The following MAD1L1 variants were observed in gnomAD, a reference collection of about 807,000 sequenced individuals.
MAD1L1 encodes the protein mitotic spindle assembly checkpoint protein MAD1.
Under a neutral mutation model 96.9 loss-of-function variants are expected in MAD1L1, and 95 were observed. That is an observed-to-expected ratio of 0.98 (90% CI 0.83 to 1.16). MAD1L1 has a LOEUF of 1.16. Ranked by LOEUF, MAD1L1 falls within the 50% of genes most tolerant of loss-of-function variation. MAD1L1 has a pLI of 0.00. For synonymous variants in MAD1L1, 473 were observed against 396.6 expected (o/e 1.19, Z -2.29); for missense variants, 1,007 against 954.4 (o/e 1.06, Z -0.73).
intron 18 of MAD1L1, among the ~76,000 whole-genome samples, chr7:1,888,541 C>T (rs374286281): frequency 1.3e-4 from 18 of 141,810 alleles, no homozygotes; most frequent in South Asian, 8.5e-4. Context: ...GTTGCCTGTG[C>T]GTGTGTGTGA....
chr7:1,988,841 T>C (rs1781277526), intron 14 of MAD1L1, among the ~76,000 whole-genome samples: 1 of 152,182 alleles, frequency 6.6e-6, no homozygotes, highest in African/African-American at 2.4e-5. Context: ...GGCCAAACCC[T>C]GTGCCCGCAC....
At chr7:2,081,459 C>G (rs1785642133) in intron 11 of MAD1L1, among the ~76,000 whole-genome samples, 1 of 152,250 alleles carries the variant, frequency 6.6e-6, no homozygotes, top group African/African-American at 2.4e-5. Context: ...CAGGACACAT[C>G]TCAGCTGGAG....
At chr7:1,851,682 G>A (rs1783986551) in intron 18 of MAD1L1, among the ~76,000 whole-genome samples, 1 of 152,198 alleles carries the variant, frequency 6.6e-6, no homozygotes, top group South Asian at 2.1e-4. Context: ...GTCCACACAG[G>A]GGAAGGTGCT....
chr7:2,082,424 G>C lies in MAD1L1; in HGVS notation c.1074-13086C>G, dbSNP rs79010001. Among the ~76,000 whole-genome samples the C allele has an allele frequency of 4.6e-5, 7 of 152,312 alleles. No homozygotes were observed. The East Asian group carries it at 1.4e-3, about 29-fold the overall frequency. ...GGAGAGACAGAAGGAGAGACCAGAG[G>C]GAAGGAGCCGGGCCTGGGAGCTCAG... On this transcript the variant is annotated intron_variant, in intron 11 of 18. Transcript: ENST00000265854.
chr7:2,182,900 T>C lies in MAD1L1; in HGVS notation c.986+30312A>G, dbSNP rs187195736. ...GTATGAGTGTACAACCTTACAAATATACTAAAAACCACCAAATTAAACACT... is the reference window on the plus strand; with the variant it reads ...GTATGAGTGTACAACCTTACAAATACACTAAAAACCACCAAATTAAACACT... On this transcript the variant is annotated intron_variant, in intron 10 of 18. Transcript: ENST00000265854. Among the ~76,000 whole-genome samples, 272 of 152,222 alleles carry C rather than the reference T, an allele frequency of 1.8e-3. 1 individual carries two copies. The highest frequency in any genetic ancestry group is 3.4e-3 in the Non-Finnish European group (231 of 68,012).
At chr7:1,909,238 G>C (rs113941266) in intron 17 of MAD1L1, among the ~76,000 whole-genome samples, 16 of 152,338 alleles carry the variant, frequency 1.1e-4, no homozygotes, top group African/African-American at 3.6e-4. Context: ...AGCCAGTGGA[G>C]GCCCAGGGCT....
chr7:1,969,187 C>G (rs1400677975), intron 15 of MAD1L1, among the ~76,000 whole-genome samples: 2 of 152,122 alleles, frequency 1.3e-5, no homozygotes, highest in African/African-American at 4.8e-5. Flanking sequence ...AGTTTAAGAC[C>G]AGCCTGGCCA....
chr7:2,090,831 G>A (rs556519736), intron 11 of MAD1L1, among the ~76,000 whole-genome samples: 4 of 152,286 alleles, frequency 2.6e-5, no homozygotes, highest in East Asian at 1.9e-4. Flanking sequence ...GGCAGGCAAC[G>A]TTACCTTTTG....
intron 10 of MAD1L1, among the ~76,000 whole-genome samples, chr7:2,151,971 G>A (rs1483206841): frequency 6.6e-6 from 1 of 152,162 alleles, no homozygotes. Context: ...ATCACCCAAG[G>A]AGCAGGCTGG....
At chr7:2,125,468 G>A (rs764978856) in intron 11 of MAD1L1, among the ~76,000 whole-genome samples, 5 of 152,188 alleles carry the variant, frequency 3.3e-5, no homozygotes, top group African/African-American at 4.8e-5. Context: ...GAGCTCCACC[G>A]TACACTCAGG....
At chr7:2,076,977 T>C (rs112905822) in intron 11 of MAD1L1, among the ~76,000 whole-genome samples, 8 of 128,954 alleles carry the variant, frequency 6.2e-5, no homozygotes, top group Admixed American at 3.0e-4. Context: ...GCCCGCAGCA[T>C]GGTGAGCCCG....
At chr7:2,160,653 G>T (rs1333260601) in intron 10 of MAD1L1, among the ~76,000 whole-genome samples, 1 of 151,528 alleles carries the variant, frequency 6.6e-6, no homozygotes, top group African/African-American at 2.4e-5. Context: ...TCTTTTTTGA[G>T]ACAGAGGCTC....
At chr7:1,888,570 G>T (rs550823791) in intron 18 of MAD1L1, among the ~76,000 whole-genome samples, 5 of 151,738 alleles carry the variant, frequency 3.3e-5, no homozygotes, top group Admixed American at 1.3e-4. Flanking sequence ...GCATGTGGCT[G>T]TACATGTGAG....
chr7:2,072,541 T>A (rs746751456), intron 11 of MAD1L1, among the ~76,000 whole-genome samples: 7 of 152,222 alleles, frequency 4.6e-5, no homozygotes, highest in Admixed American at 1.3e-4. Flanking sequence ...AAACTACTCA[T>A]GGGCCAATTT....
At chr7:2,133,798 G>T in intron 11 of MAD1L1, among the ~76,000 whole-genome samples, 1 of 152,132 alleles carries the variant, frequency 6.6e-6, no homozygotes, top group Non-Finnish European at 1.5e-5. Context: ...TGAGAAGACC[G>T]TTTTCCTCTG....
chr7:2,189,889 C>T (rs1447419368), intron 10 of MAD1L1, among the ~76,000 whole-genome samples: 1 of 152,158 alleles, frequency 6.6e-6, no homozygotes, highest in Non-Finnish European at 1.5e-5. Context: ...CTAAAACTAA[C>T]CTCATGCTTC....
At chr7:2,198,587 G>T (rs964678814) in intron 10 of MAD1L1, among the ~76,000 whole-genome samples, 11 of 152,214 alleles carry the variant, frequency 7.2e-5, no homozygotes, top group East Asian at 3.9e-4. Flanking sequence ...CAACAGAGGC[G>T]AGTGCTTCCT....
intron 15 of MAD1L1, among the ~76,000 whole-genome samples, chr7:1,977,430 C>T (rs1032594889): frequency 1.3e-5 from 2 of 152,232 alleles, no homozygotes; most frequent in African/African-American, 2.4e-5. Context: ...GCCAAGCCCA[C>T]GCCCACCCAG....
chr7:1,836,785 T>C (rs867841692), intron 18 of MAD1L1, among the ~76,000 whole-genome samples: 19 of 151,624 alleles, frequency 1.3e-4, no homozygotes, highest in African/African-American at 4.1e-4. Context: ...AAAGAGTCAA[T>C]CCAGACCTTG....
Sources: gnomAD v4.1 joint callset for allele counts (sites outside exome capture counted in the v4.1 genomes callset) on GRCh38, gnomAD v4.1.1 for gene constraint, MANE v1.5 for transcripts, NCBI Gene and HGNC (gene_info 2026-07-23, HGNC 2026-07-21) for gene names.